The following PFDN4 variants were observed in gnomAD, a reference collection of about 807,000 sequenced individuals.
PFDN4 encodes the protein prefoldin subunit 4, also known as prefoldin 4.
In PFDN4, 6 loss-of-function variants were observed where a neutral mutation model predicts 17.6. That is an observed-to-expected ratio of 0.34 (90% CI 0.19 to 0.67). PFDN4 has a LOEUF of 0.67. Ranked by LOEUF, PFDN4 falls within the 30% of genes least tolerant of loss-of-function variation. The pLI is 0.68. For synonymous variants in PFDN4, 48 were observed against 51.1 expected (o/e 0.94, Z 0.26); for missense variants, 119 against 158.4 (o/e 0.75, Z 1.33).
chr20:54,210,762 C>G (rs1334299803), intron 1 of PFDN4, among the ~76,000 whole-genome samples: 1 of 152,232 alleles, frequency 6.6e-6, no homozygotes, highest in Non-Finnish European at 1.5e-5. Flanking sequence ...ACGTTTGTCA[C>G]CATTGAACAT....
At chr20:54,214,965 CT>C (rs1278442359) in intron 2 of PFDN4, among the ~76,000 whole-genome samples, 2 of 152,168 alleles carry the variant, frequency 1.3e-5, no homozygotes, top group African/African-American at 4.8e-5. Context: ...GCAAGCAAGG[CT>C]GAGAAATGTA....
intron 1 of PFDN4, 174 bp downstream of exon 1, chr20:54,208,298 G>A: frequency 5.5e-6 from 3 of 544,410 alleles, no homozygotes; most frequent in Non-Finnish European, 8.8e-6. Flanking sequence ...CTGGCGCCCT[G>A]AGCGTTTTCC....
intron 1 of PFDN4, among the ~76,000 whole-genome samples, chr20:54,213,688 C>A (rs1200339663): frequency 4.6e-5 from 7 of 152,124 alleles, no homozygotes; most frequent in Non-Finnish European, 1.0e-4. Flanking sequence ...TCAGTGTTAG[C>A]TATTTTTTTA....
rs2092767371 is a variant in PFDN4 at position 54,219,795 on chromosome 20, G to A, written c.*645G>A. 1 of 398,244 alleles carries A rather than the reference G, an allele frequency of 2.5e-6. No individual in the cohort carries two copies. The highest frequency in any genetic ancestry group is 4.4e-6 in the Non-Finnish European group (1 of 225,940). The allele number at this position is 398,244 out of a possible 1,614,324, so 24.7% of individuals were successfully genotyped here. On this transcript the variant is annotated 3_prime_UTR_variant, in exon 4 of 4. Transcript: ENST00000371419. ...GAACGTTTTAGAAACCAAGAGATGT[G>A]CAGAAAGAAATGTTTAGTGTTTTTT...
intron 3 of PFDN4, among the ~76,000 whole-genome samples, chr20:54,216,080 G>A (rs2092762091): frequency 6.6e-6 from 1 of 152,198 alleles, no homozygotes; most frequent in Non-Finnish European, 1.5e-5. Flanking sequence ...ATATTTTGCT[G>A]TACTAATGTT....
chr20:54,217,823 TG>T (rs2092764608), intron 3 of PFDN4, among the ~76,000 whole-genome samples: 1 of 152,244 alleles, frequency 6.6e-6, no homozygotes, highest in African/African-American at 2.4e-5. Context: ...TTTTGTTTCT[TG>T]TTTTGTAACA....
chr20:54,211,581 T>G (rs1473615166), intron 1 of PFDN4, among the ~76,000 whole-genome samples: 1 of 152,194 alleles, frequency 6.6e-6, no homozygotes, highest in African/African-American at 2.4e-5. Context: ...TTCCAAAGAA[T>G]TGGGTAATTT....
rs1568676302 is a variant in PFDN4, at chr20:54,214,069, C to CT, written c.25-275dup. On this transcript the variant is annotated intron_variant, in intron 1 of 3. Transcript: ENST00000371419. ...AATTCTGCTCTGTGCCAAAAGTTGG[C>CT]TTTTTTTCTTTCCTTTTAAAAGGAC... is the stretch of plus-strand genomic sequence containing the variant. 3.3e-5 allele frequency among the ~76,000 whole-genome samples: 5 copies of CT among 152,196 alleles called. No individual in the cohort carries two copies. The South Asian group carries it at 8.3e-4, about 25-fold the overall frequency.
intron 3 of PFDN4, among the ~76,000 whole-genome samples, chr20:54,215,988 C>G (rs960949165): frequency 2.6e-5 from 4 of 152,144 alleles, no homozygotes; most frequent in African/African-American, 9.7e-5. Flanking sequence ...TTAAAAACAT[C>G]GTTTTTGAAG....
Position 54,219,613 on chromosome 20 carries a change from T to C in PFDN4, c.*463T>C. 1 of 394,260 alleles carries C rather than the reference T, an allele frequency of 2.5e-6. No homozygotes were observed. Among genetic ancestry groups the C allele is most frequent in the East Asian group, 3.6e-5 (1 of 27,736 alleles). The allele number at this position is 394,260 out of a possible 1,614,324, so 24.4% of individuals were successfully genotyped here. ...ATAGACTTCAAAATATATATGTATATATTTTATTTAAATATATGTTACATA... is the reference window on the plus strand; with the variant it reads ...ATAGACTTCAAAATATATATGTATACATTTTATTTAAATATATGTTACATA... On this transcript the variant is annotated 3_prime_UTR_variant, in exon 4 of 4. Coordinates refer to ENST00000371419, the MANE Select transcript of PFDN4 (RefSeq NM_002623.4).
Position 54,214,227 on chromosome 20 carries a change from G to C in PFDN4, c.25-124G>C, listed in dbSNP as rs148990560. On this transcript the variant is annotated intron_variant, in intron 1 of 3. Coordinates refer to ENST00000371419, the MANE Select transcript of PFDN4 (RefSeq NM_002623.4). ...AAAAATAAGGCATTTGTTATGTTCT[G>C]TACTTCTTGTGATTCTTGACTATAT... 9.5e-6 allele frequency: 6 copies of C among 633,696 alleles called. No individual in the cohort carries two copies. In the East Asian group the frequency reaches 1.7e-4, roughly 18 times the overall value. 39.3% of individuals were successfully genotyped at this position (633,696 alleles called of 1,614,324 possible).
At chr20:54,212,772 G>A (rs945376415) in intron 1 of PFDN4, among the ~76,000 whole-genome samples, 6 of 152,390 alleles carry the variant, frequency 3.9e-5, no homozygotes, top group East Asian at 3.9e-4. Context: ...GTCTATTTGC[G>A]TAGGGAATTG....
intron 1 of PFDN4, among the ~76,000 whole-genome samples, chr20:54,212,679 A>G (rs1173411489): frequency 2.6e-5 from 4 of 152,256 alleles, no homozygotes; most frequent in Non-Finnish European, 4.4e-5. Context: ...AAATACATCT[A>G]TAAATGCCTG....
intron 3 of PFDN4, among the ~76,000 whole-genome samples, chr20:54,217,286 C>CG (rs1034221422): frequency 8.2e-6 from 1 of 121,450 alleles, no homozygotes; most frequent in African/African-American, 3.2e-5. Context: ...AAAGGGGCGG[C>CG]GGGGGGCGGG....
At chr20:54,213,152 T>C (rs896936206) in intron 1 of PFDN4, among the ~76,000 whole-genome samples, 1 of 152,236 alleles carries the variant, frequency 6.6e-6, no homozygotes. Context: ...TGTTGTGAGC[T>C]CATTACTGTT....
At chr20:54,211,983 A>G (rs926302334) in intron 1 of PFDN4, among the ~76,000 whole-genome samples, 1 of 152,112 alleles carries the variant, frequency 6.6e-6, no homozygotes, top group Admixed American at 6.5e-5. Context: ...ACCTGAGGTT[A>G]GGAGTTCAAG....
chr20:54,208,481 TTGACTCGGGCGTTGCACCGGCA>T (rs137871814), intron 1 of PFDN4: 8,850 of 275,864 alleles, frequency 0.032, 351 homozygotes, highest in African/African-American at 0.11. Flanking sequence ...GTGGTTGGCC[TTGACTCGGGCGTTGCACCGGCA>T]TGATCGCATT....
chr20:54,219,313 A>G lies in PFDN4; in HGVS notation c.*163A>G. ...TTTCACATGTCTGCTTATTTATTTT[A>G]TATTTTTAAAAGAAGACAGTATTCA... On this transcript the variant is annotated 3_prime_UTR_variant, in exon 4 of 4. Transcript: ENST00000371419. The G allele has an allele frequency of 4.0e-6, 2 of 506,014 alleles. No individual in the cohort carries two copies. Among genetic ancestry groups the G allele is most frequent in the Non-Finnish European group, 6.9e-6 (2 of 289,906 alleles). The allele number at this position is 506,014 out of a possible 1,614,324, so 31.3% of individuals were successfully genotyped here.
intron 2 of PFDN4, 87 bp from the exon 3 acceptor site, chr20:54,215,213 G>T (rs1330661093): frequency 1.1e-6 from 1 of 885,254 alleles, no homozygotes; most frequent in African/African-American, 1.7e-5. Flanking sequence ...GGGTCCCTCA[G>T]AGAGTTGCTG....
Sources: allele counts gnomAD v4.1 joint callset (sites outside exome capture counted in the v4.1 genomes callset), GRCh38; gene constraint gnomAD v4.1.1; transcripts MANE v1.5; gene names NCBI Gene and HGNC (gene_info 2026-07-23, HGNC 2026-07-21).